Variants in DLGAP4 observed in about 807,000 individuals in gnomAD.
DLGAP4 encodes disks large-associated protein 4.
Under a neutral mutation model 86.9 loss-of-function variants are expected in DLGAP4, and 18 were observed. That is an observed-to-expected ratio of 0.21 (90% CI 0.14 to 0.31). The LOEUF is 0.31. Among genes scored for constraint, DLGAP4 ranks in the 10% least tolerant of loss-of-function variants. The pLI is 1.00. For missense variants in DLGAP4, 1,085 were observed against 1,362.6 expected, an observed-to-expected ratio of 0.80 and a Z score of 3.21; for synonymous variants, 548 against 574.3, an observed-to-expected ratio of 0.95 and a Z score of 0.65.
intron 2 of DLGAP4, among the ~76,000 whole-genome samples, chr20:36,425,282 A>G (rs1280220451): frequency 2.0e-5 from 3 of 152,194 alleles, no homozygotes; most frequent in African/African-American, 7.2e-5. Flanking sequence ...TTAAATAGAC[A>G]TTTCTCCCAA....
rs1411199718 is a variant in DLGAP4, at chr20:36,406,202, T to C, written c.-72-25444T>C. On this transcript the variant is annotated intron_variant, in intron 2 of 12. Transcript: ENST00000339266. Reference sequence around the variant, plus strand: ...TCACGAGGTCAGGAGATCAAGACCATCCTGGCTAACACGGTGAAACCCTGT... The same window carrying C: ...TCACGAGGTCAGGAGATCAAGACCACCCTGGCTAACACGGTGAAACCCTGT... 2.0e-5 allele frequency among the ~76,000 whole-genome samples: 3 copies of C among 152,052 alleles called. No homozygotes were observed. The East Asian group carries it at 5.8e-4, about 29-fold the overall frequency.
intron 2 of DLGAP4, among the ~76,000 whole-genome samples, chr20:36,400,395 G>A (rs1298976146): frequency 2.6e-5 from 4 of 152,158 alleles, no homozygotes; most frequent in Non-Finnish European, 5.9e-5. Flanking sequence ...CCTTCTTGAC[G>A]AGTTGTGTCC....
chr20:36,504,288 T>C (rs777534552), intron 10 of DLGAP4, among the ~76,000 whole-genome samples: 3 of 152,250 alleles, frequency 2.0e-5, no homozygotes, highest in Admixed American at 6.5e-5. Flanking sequence ...ACTTGCTGTG[T>C]CTGCGAATTT....
At chr20:36,456,966 T>C (rs1299124440) in intron 7 of DLGAP4, among the ~76,000 whole-genome samples, 1 of 152,218 alleles carries the variant, frequency 6.6e-6, no homozygotes, top group Non-Finnish European at 1.5e-5. Context: ...AGATGTTTAT[T>C]GATCAAGTGC....
intron 1 of DLGAP4, among the ~76,000 whole-genome samples, chr20:36,333,988 G>A (rs1381539932): frequency 6.6e-6 from 1 of 152,226 alleles, no homozygotes; most frequent in Non-Finnish European, 1.5e-5. Context: ...AACCCACAGG[G>A]GTGACCAGGT....
At chr20:36,329,618 C>T (rs1373931544) in intron 1 of DLGAP4, among the ~76,000 whole-genome samples, 11 of 152,292 alleles carry the variant, frequency 7.2e-5, no homozygotes, top group Admixed American at 5.9e-4. Context: ...AAGGCTGAGC[C>T]GGACACAGTG....
intron 10 of DLGAP4, among the ~76,000 whole-genome samples, chr20:36,516,915 AC>A (rs930115613): frequency 3.3e-5 from 5 of 151,848 alleles, no homozygotes. Flanking sequence ...ACATAATGAA[AC>A]CCCACGAAAC....
At chr20:36,499,724 C>T (rs1414748157) in intron 9 of DLGAP4, 48 bp downstream of exon 9, 1 of 1,493,344 alleles carries the variant, frequency 6.7e-7, no homozygotes, top group Non-Finnish European at 9.2e-7. Context: ...CCTCTCCCTC[C>T]CTCCGCTCTC....
intron 7 of DLGAP4, among the ~76,000 whole-genome samples, chr20:36,488,723 A>G (rs1230714395): frequency 6.6e-6 from 1 of 151,938 alleles, no homozygotes; most frequent in Non-Finnish European, 1.5e-5. Context: ...GACTACAGGC[A>G]TCCACCACCA....
In DLGAP4 at chr20:36,446,907, G is replaced by A. The variant is rs142893536; in HGVS notation, c.1618G>A (p.Gly540Ser). The A allele has an allele frequency of 7.5e-4, 1,206 of 1,611,808 alleles. 5 individuals carry two copies. The highest frequency in any genetic ancestry group is 3.1e-3 in the African/African-American group (234 of 75,006). Reference sequence around the variant, plus strand: ...GTCCCTCTCCCCACCGCCCAGTACCGGCAGCCTCAGCAATAGTCGCACGCT... The same window carrying A: ...GTCCCTCTCCCCACCGCCCAGTACCAGCAGCCTCAGCAATAGTCGCACGCT... ...LQSLSPPPST[G>S]SLSNSRTLPS... is the part of the protein sequence containing the mutation. The change falls in exon 7 of 13, where the codon GGC becomes AGC. Residue 540 changes from glycine to serine, a missense_variant. Physicochemically the swap from Gly to Ser is moderately conservative, Grantham distance 56. Around this residue, in one of 2 missense-constraint regions of DLGAP4, gnomAD observed 1,082 missense variants for 1,344.1 expected, o/e 0.81. Transcript: ENST00000339266.
chr20:36,420,102 A>C (rs981304173), intron 2 of DLGAP4, among the ~76,000 whole-genome samples: 1 of 152,190 alleles, frequency 6.6e-6, no homozygotes, highest in Non-Finnish European at 1.5e-5. Flanking sequence ...TGAGTGGAAA[A>C]CTTAACTACC....
chr20:36,378,464 C>G (rs1220852936), intron 2 of DLGAP4, among the ~76,000 whole-genome samples: 1 of 152,116 alleles, frequency 6.6e-6, no homozygotes, highest in African/African-American at 2.4e-5. Context: ...TTCCCTTGTC[C>G]TTTCCTACAG....
intron 2 of DLGAP4, among the ~76,000 whole-genome samples, chr20:36,412,885 G>A (rs6073885): frequency 0.58 from 88,164 of 151,822 alleles, 25,712 homozygotes; most frequent in Middle Eastern, 0.66. Flanking sequence ...TATAAAATTG[G>A]CCATTTAAAC....
chr20:36,309,279 G>A (rs1224233011), intron 1 of DLGAP4, among the ~76,000 whole-genome samples: 1 of 152,200 alleles, frequency 6.6e-6, no homozygotes, highest in Non-Finnish European at 1.5e-5. Flanking sequence ...ATCCTTCTTG[G>A]ATGTCTCTGG....
chr20:36,380,017 A>T (rs1229427540), intron 2 of DLGAP4, among the ~76,000 whole-genome samples: 1 of 152,060 alleles, frequency 6.6e-6, no homozygotes, highest in Admixed American at 6.5e-5. Flanking sequence ...CTCTGTCTCT[A>T]CAGAAAATTT....
chr20:36,336,784 T>C (rs1488040340), intron 1 of DLGAP4, among the ~76,000 whole-genome samples: 1 of 152,156 alleles, frequency 6.6e-6, no homozygotes, highest in Admixed American at 6.5e-5. Context: ...CCCTTGACTG[T>C]GGCCTTGCAT....
At chr20:36,315,741 A>G (rs1395107000) in intron 1 of DLGAP4, among the ~76,000 whole-genome samples, 1 of 152,138 alleles carries the variant, frequency 6.6e-6, no homozygotes, top group Non-Finnish European at 1.5e-5. Context: ...AGGCAGCCAC[A>G]GAAGGTTCCA....
rs1010158488 is a variant in DLGAP4 at position 36,527,785 on chromosome 20, T to C, written c.*754T>C. On this transcript the variant is annotated 3_prime_UTR_variant, in exon 13 of 13. Transcript: ENST00000339266. ...TGGAAATGAGACGAAGCCACAGTTA[T>C]CACACTCCAGACTCCTGCCCTTTTA... 1 of 152,702 alleles carries C rather than the reference T, an allele frequency of 6.5e-6. No individual in the cohort carries two copies. The highest frequency in any genetic ancestry group is 6.5e-5 in the Admixed American group (1 of 15,276). 9.5% of individuals were successfully genotyped at this position (152,702 alleles called of 1,614,324 possible). A position where few individuals can be genotyped will look rare whatever the true frequency, so the allele number is the denominator to read the frequency against.
At chr20:36,511,748 A>C (rs913729837) in intron 10 of DLGAP4, among the ~76,000 whole-genome samples, 12 of 151,238 alleles carry the variant, frequency 7.9e-5, no homozygotes, top group African/African-American at 2.9e-4. Context: ...CATCGTGGGC[A>C]CCTGTAATCT....
Sources: gnomAD v4.1 joint callset for allele counts (sites outside exome capture counted in the v4.1 genomes callset) on GRCh38, gnomAD v4.1.1 for gene constraint, gnomAD v4.1.1 regional missense constraint, MANE v1.5 for transcripts, NCBI Gene and HGNC (gene_info 2026-07-23, HGNC 2026-07-21) for gene names.